ARHGAP25: variants seen among roughly 807,000 people sequenced by gnomAD.
ARHGAP25 encodes rho GTPase-activating protein 25.
Under a neutral mutation model 71.0 loss-of-function variants are expected in ARHGAP25, and 34 were observed. The ratio of observed to expected loss-of-function variants is 0.48; its 90% CI spans 0.36 to 0.64. The LOEUF (loss-of-function observed/expected upper bound fraction) is 0.64, where lower values mean the gene tolerates loss of function less well. Among genes scored for constraint, ARHGAP25 ranks in the 30% least tolerant of loss-of-function variants. ARHGAP25 has a pLI of 0.00. For missense variants in ARHGAP25, 706 were observed against 805.1 expected, an observed-to-expected ratio of 0.88 and a Z score of 1.49; for synonymous variants, 282 against 296.5, an observed-to-expected ratio of 0.95 and a Z score of 0.50.
chr2:68,759,298 G>A (rs1158165982), intron 1 of ARHGAP25, among the ~76,000 whole-genome samples: 1 of 151,200 alleles, frequency 6.6e-6, no homozygotes, highest in East Asian at 1.9e-4. Context: ...CAAAAACTTA[G>A]CTCTTCAAAA....
intron 4 of ARHGAP25, among the ~76,000 whole-genome samples, chr2:68,789,036 C>CT (rs749666894): frequency 4.8e-4 from 70 of 145,798 alleles, no homozygotes; most frequent in Middle Eastern, 3.6e-3. Context: ...GAATCTTTTT[C>CT]TTTTTTTTTT....
At chr2:68,821,811 T>C (rs1163196444) in intron 9 of ARHGAP25, among the ~76,000 whole-genome samples, 3 of 152,166 alleles carry the variant, frequency 2.0e-5, no homozygotes, top group Non-Finnish European at 4.4e-5. Flanking sequence ...CATAATTACA[T>C]TGGTTGTTGA....
In ARHGAP25 at chr2:68,767,222, TA is replaced by T. The variant is rs1168723273; in HGVS notation, c.62-7994del. ...GGGGCAGTGCTTTTCATACTAAAGTTAAAAACGAAACTCAAAAGAATGATGG... is the reference window on the plus strand; with the variant it reads ...GGGGCAGTGCTTTTCATACTAAAGTTAAAACGAAACTCAAAAGAATGATGG... On this transcript the variant is annotated intron_variant, in intron 1 of 10. Transcript: ENST00000409202. This position sits in a 1 kb window ranked among gnomAD's most constrained non-coding sequence, Gnocchi z 4.6. Among the ~76,000 whole-genome samples the T allele has an allele frequency of 6.6e-6, 1 of 152,116 alleles. No homozygotes were observed. The highest frequency in any genetic ancestry group is 1.9e-4 in the East Asian group (1 of 5,192).
chr2:68,763,888 T>A (rs4241342), intron 1 of ARHGAP25, among the ~76,000 whole-genome samples: 129,081 of 152,230 alleles, frequency 0.85, 54,965 homozygotes, highest in African/African-American at 0.9. Flanking sequence ...TACTGAGGTA[T>A]AATTTATATG....
intron 5 of ARHGAP25, among the ~76,000 whole-genome samples, chr2:68,808,895 T>C (rs748353715): frequency 6.6e-6 from 1 of 152,176 alleles, no homozygotes; most frequent in Non-Finnish European, 1.5e-5. Flanking sequence ...GAATCTTTGA[T>C]TATTTTGAAA....
At chr2:68,788,018 G>T (rs1458955246) in intron 4 of ARHGAP25, 62 bp downstream of exon 4, 1 of 1,309,382 alleles carries the variant, frequency 7.6e-7, no homozygotes, top group African/African-American at 1.4e-5. Flanking sequence ...GTAGGAAGTA[G>T]CTCCAATGTG....
intron 1 of ARHGAP25, among the ~76,000 whole-genome samples, chr2:68,743,211 C>T (rs575098590): frequency 6.6e-6 from 1 of 152,318 alleles, no homozygotes; most frequent in South Asian, 2.1e-4. Context: ...AGTGCTTCCT[C>T]CTCCAGAGCT....
chr2:68,815,536 C>T lies in ARHGAP25; in HGVS notation c.808-753C>T, dbSNP rs573599263. On this transcript the variant is annotated intron_variant, in intron 6 of 10. Transcript: ENST00000409202. ...CGCGATCTCAGCTCACTGCAATCTC[C>T]GCCTTCCGGTTTCAAGCGATTCTTC... 6.8e-5 allele frequency among the ~76,000 whole-genome samples: 10 copies of T among 147,504 alleles called. No individual in the cohort carries two copies. The East Asian group carries it at 1.7e-3, about 25-fold the overall frequency.
chr2:68,810,726 CTTCTCTT>C lies in ARHGAP25; in HGVS notation c.675-2558_675-2552del, dbSNP rs765040916. On this transcript the variant is annotated intron_variant, in intron 5 of 10. Coordinates refer to ENST00000409202, the MANE Select transcript of ARHGAP25 (RefSeq NM_001007231.3). ...CAAAAGATCCAATTTCTTTTCTTTT[CTTCTCTT>C]TTTTTTTTTTTTTTTTTTTGAGACC... 6.0e-4 allele frequency among the ~76,000 whole-genome samples: 74 copies of C among 124,100 alleles called. 6 individuals carry two copies. The highest frequency in any genetic ancestry group is 6.5e-4 in the Non-Finnish European group (38 of 58,746). The allele number at this position is 124,100 out of a possible 152,430, so 81.4% of individuals were successfully genotyped here. A position where few individuals can be genotyped will look rare whatever the true frequency, so the allele number is the denominator to read the frequency against.
chr2:68,712,698 A>C (rs535423950), intron 2 of ARHGAP25, among the ~76,000 whole-genome samples: 1 of 152,162 alleles, frequency 6.6e-6, no homozygotes, highest in Non-Finnish European at 1.5e-5. Context: ...AAGTGTAAGG[A>C]AGGGGTCCAG....
intron 4 of ARHGAP25, 50 bp from the exon 5 acceptor site, chr2:68,807,223 A>G: frequency 6.3e-7 from 1 of 1,596,456 alleles, no homozygotes; most frequent in Middle Eastern, 1.7e-4. Flanking sequence ...GAAATAGTTC[A>G]TCCAAGGAAG....
In ARHGAP25 at chr2:68,775,337, G is replaced by A; in HGVS notation, c.178G>A (p.Val60Met). ...MGWLKKQRSI[V>M]KNWQQRYFVL... Reference sequence around the variant, plus strand: ...CTGGCTGAAGAAGCAGAGGTCCATCGTGAAGAACTGGCAGCAGAGGTACTT... The same window carrying A: ...CTGGCTGAAGAAGCAGAGGTCCATCATGAAGAACTGGCAGCAGAGGTACTT... Residue 60 changes from valine (V) to methionine (M), a missense_variant, in exon 2 of 11, where the codon GTG (valine) becomes ATG (methionine). Val to Met is a conservative substitution (Grantham distance 21). Coordinates refer to ENST00000409202, the MANE Select transcript of ARHGAP25 (RefSeq NM_001007231.3). 2 of 1,614,224 alleles carry A rather than the reference G, an allele frequency of 1.2e-6. No homozygotes were observed. Among genetic ancestry groups the A allele is most frequent in the Non-Finnish European group, 1.7e-6 (2 of 1,180,044 alleles).
chr2:68,727,170 G>A (rs1241336950), intron 2 of ARHGAP25, among the ~76,000 whole-genome samples: 3 of 152,152 alleles, frequency 2.0e-5, no homozygotes, highest in African/African-American at 4.8e-5. Flanking sequence ...CTGGTTGAGT[G>A]CGTCTGCAAC....
At chr2:68,788,253 C>T (rs569068642) in intron 4 of ARHGAP25, among the ~76,000 whole-genome samples, 2 of 152,300 alleles carry the variant, frequency 1.3e-5, no homozygotes, top group African/African-American at 4.8e-5. Context: ...GTAGTGCTTT[C>T]TCCTCTCTGG....
In ARHGAP25 at chr2:68,826,273, A is replaced by C; in HGVS notation, c.*79A>C. The C allele has an allele frequency of 3.1e-6, 4 of 1,296,140 alleles. No individual in the cohort carries two copies. The South Asian group carries it at 4.8e-5, about 16-fold the overall frequency. The allele number at this position is 1,296,140 out of a possible 1,614,324, so 80.3% of individuals were successfully genotyped here. ...TTCTCAGTGCTATCTGATGACGGGG[A>C]AACAAAATTATTCTCTGAGAGGGAA... On this transcript the variant is annotated 3_prime_UTR_variant, in exon 11 of 11. Coordinates refer to ENST00000409202, the MANE Select transcript of ARHGAP25 (RefSeq NM_001007231.3).
At chr2:68,768,114 T>C (rs897042714) in intron 1 of ARHGAP25, among the ~76,000 whole-genome samples, 1 of 152,256 alleles carries the variant, frequency 6.6e-6, no homozygotes, top group African/African-American at 2.4e-5. Context: ...AGTTGTTAAC[T>C]GGAGCAGATC....
At chr2:68,752,492 T>A (rs1448851657) in intron 1 of ARHGAP25, among the ~76,000 whole-genome samples, 1 of 152,176 alleles carries the variant, frequency 6.6e-6, no homozygotes, top group Non-Finnish European at 1.5e-5. Flanking sequence ...AGGGCTGTTT[T>A]CCCAACTCCA....
intron 1 of ARHGAP25, among the ~76,000 whole-genome samples, chr2:68,768,387 C>T (rs1677263217): frequency 6.6e-6 from 1 of 152,222 alleles, no homozygotes. Context: ...GCCAATATTT[C>T]TCGCAAATAC....
At chr2:68,747,188 A>T (rs1675885442) in intron 1 of ARHGAP25, among the ~76,000 whole-genome samples, 1 of 151,876 alleles carries the variant, frequency 6.6e-6, no homozygotes, top group Admixed American at 6.6e-5. Context: ...CTTGAAAAAA[A>T]ATTTTTTAGA....
Sources: gnomAD v4.1 joint callset for allele counts (sites outside exome capture counted in the v4.1 genomes callset) on GRCh38, gnomAD v4.1.1 for gene constraint, Gnocchi (gnomAD v3.1) non-coding constraint, MANE v1.5 for transcripts, NCBI Gene and HGNC (gene_info 2026-07-23, HGNC 2026-07-21) for gene names.